Variants in FCHO2 observed in about 807,000 individuals in gnomAD.
FCHO2 encodes the protein FCH and mu domain containing endocytic adaptor 2, also known as F-BAR domain only protein 2.
In FCHO2, 43 loss-of-function variants were observed where a neutral mutation model predicts 114.1. That is an observed-to-expected ratio of 0.38 (90% CI 0.30 to 0.49). The LOEUF (loss-of-function observed/expected upper bound fraction) is 0.49. Among genes scored for constraint, FCHO2 ranks in the 20% least tolerant of loss-of-function variants. The pLI is 0.97. For missense variants in FCHO2, 807 were observed against 950.4 expected (o/e 0.85, Z 1.98); for synonymous variants, 293 against 315.2 (o/e 0.93, Z 0.75).
At chr5:72,978,969 G>A (rs1209716837) in intron 2 of FCHO2, among the ~76,000 whole-genome samples, 1 of 148,326 alleles carries the variant, frequency 6.7e-6, no homozygotes, top group East Asian at 2.2e-4. Flanking sequence ...TGAGTTGATA[G>A]TGGTGGATAA....
intron 2 of FCHO2, 34 bp from the exon 3 acceptor site, chr5:72,989,393 A>G (rs1195923461): frequency 2.0e-6 from 3 of 1,501,056 alleles, no homozygotes; most frequent in Non-Finnish European, 2.7e-6. Context: ...TCACTAAATA[A>G]GAAGTATTAT....
At chr5:73,028,551 A>C (rs1463841463) in intron 8 of FCHO2, among the ~76,000 whole-genome samples, 1 of 152,162 alleles carries the variant, frequency 6.6e-6, no homozygotes, top group African/African-American at 2.4e-5. Flanking sequence ...AAAAATTAAT[A>C]AACTACTGAT....
chr5:73,032,670 A>C (rs1756298779), intron 8 of FCHO2, among the ~76,000 whole-genome samples: 1 of 152,138 alleles, frequency 6.6e-6, no homozygotes, highest in South Asian at 2.1e-4. Context: ...AAACAAGGCA[A>C]TTTGGCATTG....
At chr5:73,087,869 C>T (rs1462037917) in intron 25 of FCHO2, 116 bp downstream of exon 25, 2 of 1,454,012 alleles carry the variant, frequency 1.4e-6, no homozygotes, top group Non-Finnish European at 1.9e-6. Context: ...TTTTCTTTAA[C>T]CCTTGGTACA....
intron 6 of FCHO2, among the ~76,000 whole-genome samples, chr5:73,007,187 C>T (rs533833293): frequency 1.3e-5 from 2 of 152,256 alleles, no homozygotes; most frequent in East Asian, 3.9e-4. Flanking sequence ...GCTGTGGTGA[C>T]ACAAGGCCCC....
intron 6 of FCHO2, among the ~76,000 whole-genome samples, chr5:73,009,509 T>C (rs1006156297): frequency 6.6e-6 from 1 of 152,216 alleles, no homozygotes; most frequent in African/African-American, 2.4e-5. Context: ...ATTTTAATTG[T>C]TCATCCTGCC....
chr5:73,002,995 G>A lies in FCHO2; in HGVS notation c.496-3450G>A, dbSNP rs567407620. 7.9e-5 allele frequency among the ~76,000 whole-genome samples: 12 copies of A among 152,120 alleles called. No individual in the cohort carries two copies. The South Asian group carries it at 8.3e-4, about 11-fold the overall frequency. ...TAATTTATTTCACACAATCTTTCCCGTTTTATTTTTATGATATTTGTTTTT... is the reference window on the plus strand; with the variant it reads ...TAATTTATTTCACACAATCTTTCCCATTTTATTTTTATGATATTTGTTTTT... On this transcript the variant is annotated intron_variant, in intron 5 of 25. Transcript: ENST00000430046.
chr5:73,011,142 G>A (rs1187225130), intron 6 of FCHO2, among the ~76,000 whole-genome samples: 1 of 152,162 alleles, frequency 6.6e-6, no homozygotes, highest in African/African-American at 2.4e-5. Flanking sequence ...AATGGAGATT[G>A]CAGGACTGGA....
At chr5:73,052,134 A>G (rs1757366992) in intron 12 of FCHO2, among the ~76,000 whole-genome samples, 198 bp from the exon 13 acceptor site, 1 of 152,086 alleles carries the variant, frequency 6.6e-6, no homozygotes, top group Admixed American at 6.5e-5. Context: ...CGTGTTAGCC[A>G]GGATGGTCTT....
At chr5:73,040,425 A>G (rs1346687770) in intron 10 of FCHO2, among the ~76,000 whole-genome samples, 1 of 152,148 alleles carries the variant, frequency 6.6e-6, no homozygotes, top group East Asian at 1.9e-4. Flanking sequence ...ATTAACTGTC[A>G]CAAGTCAGAG....
chr5:73,017,152 T>G, intron 7 of FCHO2, 60 bp from the exon 8 acceptor site: 1 of 971,574 alleles, frequency 1.0e-6, no homozygotes. Flanking sequence ...GTGTAAGTTT[T>G]ATCTGAAATA....
rs190225268 is a variant in FCHO2 at position 72,995,629 on chromosome 5, A to C, written c.495+4765A>C. Among the ~76,000 whole-genome samples the C allele has an allele frequency of 1.9e-3, 284 of 152,228 alleles. 4 individuals carry two copies. Among genetic ancestry groups the C allele is most frequent in the African/African-American group, 6.4e-3 (267 of 41,534 alleles). On this transcript the variant is annotated intron_variant, in intron 5 of 25. Coordinates refer to ENST00000430046, the MANE Select transcript of FCHO2 (RefSeq NM_138782.3). ...GAAGGACGTCCGAGGTTGAGGGGCC[A>C]CATCTAGTGAGAGCCTTCTTGCTTG...
intron 2 of FCHO2, among the ~76,000 whole-genome samples, chr5:72,975,466 A>G (rs141154216): frequency 4.9e-4 from 75 of 152,178 alleles, no homozygotes; most frequent in African/African-American, 1.6e-3. Context: ...AGCTGGGATT[A>G]TAGCCCTGCG....
At chr5:73,024,682 C>T (rs193183801) in intron 8 of FCHO2, among the ~76,000 whole-genome samples, 5 of 152,092 alleles carry the variant, frequency 3.3e-5, no homozygotes, top group Admixed American at 1.3e-4. Context: ...CATGATCCGC[C>T]CACCTCGGCC....
chr5:73,021,242 T>A, intron 8 of FCHO2: 5 of 645,988 alleles, frequency 7.7e-6, no homozygotes, highest in East Asian at 6.0e-5. Flanking sequence ...CTCCTCAAGC[T>A]CTTCATCCCA....
At chr5:73,006,575 A>T in intron 6 of FCHO2, 26 bp downstream of exon 6, 1 of 1,400,598 alleles carries the variant, frequency 7.1e-7, no homozygotes, top group Non-Finnish European at 9.5e-7. Flanking sequence ...CTTCAGATTG[A>T]AAACAGGGCA....
At chr5:73,011,566 C>T (rs1211767623) in intron 6 of FCHO2, among the ~76,000 whole-genome samples, 1 of 151,950 alleles carries the variant, frequency 6.6e-6, no homozygotes, top group African/African-American at 2.4e-5. Context: ...GCTCTTTTAT[C>T]TCCACATCTT....
rs1239717938 is a variant in FCHO2 at position 73,089,202 on chromosome 5, T to C, written c.*1112T>C. 6.6e-6 allele frequency: 1 copy of C among 152,568 alleles called. No homozygotes were observed. Among genetic ancestry groups the C allele is most frequent in the Non-Finnish European group, 1.5e-5 (1 of 67,978 alleles). 9.5% of individuals were successfully genotyped at this position (152,568 alleles called of 1,614,324 possible). On this transcript the variant is annotated 3_prime_UTR_variant, in exon 26 of 26. Coordinates refer to ENST00000430046, the MANE Select transcript of FCHO2 (RefSeq NM_138782.3). ...ATTTTAAAACAAATTCTAAAAAAAC[T>C]ATAGTGCTAAATTGGTAACTGGTAT...
chr5:73,029,823 G>A (rs951682515), intron 8 of FCHO2, among the ~76,000 whole-genome samples: 3 of 152,054 alleles, frequency 2.0e-5, no homozygotes, highest in South Asian at 2.1e-4. Context: ...TTATTACCAA[G>A]GGGATGATGC....
Sources: gnomAD v4.1 joint callset for allele counts (sites outside exome capture counted in the v4.1 genomes callset) on GRCh38, gnomAD v4.1.1 for gene constraint, MANE v1.5 for transcripts, NCBI Gene and HGNC (gene_info 2026-07-23, HGNC 2026-07-21) for gene names.